Variants in ZNF540 observed in about 807,000 individuals in gnomAD.
ZNF540 encodes the protein zinc finger protein 540, also known as CTD-3064H18.6.
ZNF540 carries 3 observed loss-of-function variants against 11.8 expected under a neutral mutation model. The observed-to-expected ratio is 0.25, with a 90% confidence interval of 0.12 to 0.65. The LOEUF is 0.65. ZNF540 is among the 30% of genes least tolerant of loss of function. The pLI, the probability that ZNF540 is intolerant of heterozygous loss-of-function variation, is 0.83. For missense variants in ZNF540, 709 were observed against 793.1 expected (o/e 0.89, Z 1.27); for synonymous variants, 247 against 259.0 (o/e 0.95, Z 0.45).
intron 1 of ZNF540, among the ~76,000 whole-genome samples, chr19:37,588,099 C>CAAAAAAAA (rs58516591): frequency 2.8e-4 from 13 of 45,748 alleles, no homozygotes; most frequent in African/African-American, 4.3e-4. Flanking sequence ...GACTCCATCT[C>CAAAAAAAA]AAAAAAAAAA....
intron 1 of ZNF540, among the ~76,000 whole-genome samples, chr19:37,573,833 A>C (rs76377716): frequency 7.3e-6 from 1 of 137,430 alleles, no homozygotes; most frequent in South Asian, 2.2e-4. Context: ...ATCCTGTTTC[A>C]AAAAAAAAAA....
At chr19:37,558,107 C>T (rs1306255020) in intron 1 of ZNF540, among the ~76,000 whole-genome samples, 3 of 152,160 alleles carry the variant, frequency 2.0e-5, no homozygotes, top group African/African-American at 7.2e-5. Context: ...TTTCAAAAAG[C>T]CTGTTCTTGT....
chr19:37,590,372 T>G (rs2147213015), upstream of ZNF540, among the ~76,000 whole-genome samples: 1 of 151,356 alleles, frequency 6.6e-6, no homozygotes, highest in East Asian at 2.0e-4. Context: ...AGCCAAGATC[T>G]CGCCACCGCA....
At chr19:37,558,298 T>C (rs1386843121) in intron 1 of ZNF540, among the ~76,000 whole-genome samples, 1 of 152,208 alleles carries the variant, frequency 6.6e-6, no homozygotes, top group Non-Finnish European at 1.5e-5. Flanking sequence ...AGCTGACTGA[T>C]ATTCATTCCA....
chr19:37,591,519 T>TA (rs1370013549), upstream of ZNF540, among the ~76,000 whole-genome samples: 1 of 152,220 alleles, frequency 6.6e-6, no homozygotes, highest in Non-Finnish European at 1.5e-5. Context: ...AAGAATCAAA[T>TA]CAATTACTCT....
At position 37,612,978 on chromosome 19, in the gene ZNF540, C is replaced by T. The variant is rs557467520; in HGVS notation, c.1698C>T (p.Phe566=). The T allele has an allele frequency of 4.0e-5, 65 of 1,614,062 alleles. No individual in the cohort carries two copies. The highest frequency in any genetic ancestry group is 5.1e-5 in the Non-Finnish European group (60 of 1,180,002). Residue 566 remains phenylalanine, a synonymous_variant, in exon 5 of 5, where the codon TTC becomes TTT. Transcript: ENST00000316433. ...AGTCCTTTAGTCGGCGTGGGCAGTT[C>T]ACTGAACATCAGAAAATTCATACGG... is the stretch of plus-strand genomic sequence containing the variant. The part of the protein sequence containing the change: ...CGKSFSRRGQ[F]TEHQKIHTGV...
intron 1 of ZNF540, among the ~76,000 whole-genome samples, chr19:37,581,302 CATA>C (rs1161696137): frequency 1.1e-4 from 16 of 152,160 alleles, no homozygotes; most frequent in East Asian, 1.9e-4. Context: ...CTTGTACTAA[CATA>C]ATAATACATA....
chr19:37,552,407 T>C (rs984960907), intron 1 of ZNF540, among the ~76,000 whole-genome samples: 2 of 152,242 alleles, frequency 1.3e-5, no homozygotes, highest in Admixed American at 1.3e-4. Flanking sequence ...CGTTCAGGTA[T>C]CTTATATCTT....
upstream of ZNF540, among the ~76,000 whole-genome samples, chr19:37,593,419 C>T (rs537503318): frequency 6.6e-6 from 1 of 152,220 alleles, no homozygotes; most frequent in African/African-American, 2.4e-5. Context: ...AAACCTTAGA[C>T]CAGGCCAGGC....
At chr19:37,565,374 C>T in intron 1 of ZNF540, 1 of 1,613,612 alleles carries the variant, frequency 6.2e-7, no homozygotes, top group South Asian at 1.1e-5. Flanking sequence ...CTCTGATGTT[C>T]ATTCAGTTGG....
intron 4 of ZNF540, 103 bp downstream of exon 4, chr19:37,601,208 C>T: frequency 1.2e-6 from 1 of 862,516 alleles, no homozygotes; most frequent in Non-Finnish European, 1.8e-6. Context: ...GGGAGTTACT[C>T]TCAGAGGCCT....
At chr19:37,571,931 T>C (rs1267524283) in intron 1 of ZNF540, among the ~76,000 whole-genome samples, 5 of 152,250 alleles carry the variant, frequency 3.3e-5, no homozygotes, top group African/African-American at 1.2e-4. Context: ...TACTATCAAC[T>C]ATTAACCAGA....
intron 1 of ZNF540, chr19:37,563,549 G>GTGGAATATATACATATATGGTATA (rs1568337053): frequency 1.4e-4 from 22 of 151,830 alleles, no homozygotes; most frequent in African/African-American, 5.3e-4. Context: ...GAATACATAT[G>GTGGAATATATACATATATGGTATA]TGGAATATAT....
chr19:37,611,798 C>T lies in ZNF540; in HGVS notation c.518C>T (p.Ser173Leu). 6.2e-7 allele frequency: 1 copy of T among 1,613,966 alleles called. No individual in the cohort carries two copies. Among genetic ancestry groups the T allele is most frequent in the East Asian group, 2.2e-5 (1 of 44,816 alleles). ...CACAATAGTGAGAAAAGCTGTGACT[C>T]ACACTTGGTTCAACATGGGAAAATA... ...RIHNSEKSCDSHLVQHGKIDS... is the reference protein window; with the variant it reads ...RIHNSEKSCDLHLVQHGKIDS... The change falls in exon 5 of 5, where the codon TCA becomes TTA. Residue 173 changes from serine to leucine, a missense_variant. Transcript: ENST00000316433.
At chr19:37,600,327 T>C (rs2044029122) in intron 3 of ZNF540, among the ~76,000 whole-genome samples, 3 of 152,188 alleles carry the variant, frequency 2.0e-5, no homozygotes, top group Non-Finnish European at 4.4e-5. Context: ...TCACACAATA[T>C]CCCCAGGTAA....
chr19:37,590,357 C>G (rs1387919658), upstream of ZNF540, among the ~76,000 whole-genome samples: 3 of 151,952 alleles, frequency 2.0e-5, no homozygotes, highest in Non-Finnish European at 2.9e-5. Flanking sequence ...GCGGAGCTTG[C>G]AGTGAGCCAA....
At chr19:37,587,004 C>G (rs1200691388) in intron 1 of ZNF540, 3 of 307,584 alleles carry the variant, frequency 9.8e-6, no homozygotes, top group Non-Finnish European at 1.8e-5. Context: ...GCCCAGGGAG[C>G]CCCCCACCAT....
chr19:37,591,890 T>TTA (rs1419907022), upstream of ZNF540, among the ~76,000 whole-genome samples: 1 of 152,180 alleles, frequency 6.6e-6, no homozygotes, highest in Non-Finnish European at 1.5e-5. Context: ...AAAAAAGTTC[T>TTA]TATATATAGA....
intron 2 of ZNF540, among the ~76,000 whole-genome samples, chr19:37,599,181 TA>T (rs1173072251): frequency 1.2e-5 from 1 of 85,628 alleles, no homozygotes; most frequent in Non-Finnish European, 3.7e-5. Context: ...GATTGATCGA[TA>T]GATAGATAGA....
Sources: gnomAD v4.1 joint callset for allele counts (sites outside exome capture counted in the v4.1 genomes callset) on GRCh38, gnomAD v4.1.1 for gene constraint, MANE v1.5 for transcripts, NCBI Gene and HGNC (gene_info 2026-07-23, HGNC 2026-07-21) for gene names.